PKD2: variants seen among roughly 807,000 people sequenced by gnomAD.
PKD2 encodes the protein polycystin-2.
Under a neutral mutation model 105.9 loss-of-function variants are expected in PKD2, and 48 were observed. That is an observed-to-expected ratio of 0.45 (90% CI 0.36 to 0.58). The LOEUF is 0.58. PKD2 is among the 20% of genes least tolerant of loss of function. The pLI is 0.00. For missense variants in PKD2, 1,078 were observed against 1,255.3 expected (o/e 0.86, Z 2.13); for synonymous variants, 464 against 481.1 (o/e 0.96, Z 0.46).
In PKD2 at chr4:88,008,182, C is replaced by T. The variant is rs554098650; in HGVS notation, c.449C>T (p.Pro150Leu). 2.9e-6 allele frequency: 4 copies of T among 1,375,478 alleles called. No individual in the cohort carries two copies. The highest frequency in any genetic ancestry group is 3.7e-6 in the Non-Finnish European group (4 of 1,072,998). 85.2% of individuals were successfully genotyped at this position (1,375,478 alleles called of 1,614,324 possible). The change falls in exon 1 of 15, where the codon CCG (proline) becomes CTG (leucine). Residue 150 changes from proline (P) to leucine (L), a missense_variant. By Grantham distance (98) the Pro-to-Leu change is moderately conservative (BLOSUM62 -3). This residue lies in a region of PKD2 where 868 missense variants were observed against 1,067.3 expected (regional missense o/e 0.81). Transcript: ENST00000237596. ...GLGGYHGAGH[P>L]SGRRRRREDQ... ...GGGGGCTACCACGGCGCGGGCCACC[C>T]GAGCGGGAGGCGGCGCCGGCGAGAG...
chr4:88,057,922 T>C, intron 8 of PKD2, 61 bp from the exon 9 acceptor site: 1 of 1,272,824 alleles, frequency 7.9e-7, no homozygotes, highest in Non-Finnish European at 1.2e-6. Context: ...TTAAGAAATG[T>C]TGCATCAACT....
intron 8 of PKD2, among the ~76,000 whole-genome samples, chr4:88,056,738 A>C (rs1384368731): frequency 1.3e-5 from 2 of 152,250 alleles, no homozygotes; most frequent in Non-Finnish European, 1.5e-5. Context: ...ATGTGAAATA[A>C]AACAACAAAA....
At chr4:88,057,039 G>T (rs1286638690) in intron 8 of PKD2, among the ~76,000 whole-genome samples, 2 of 152,054 alleles carry the variant, frequency 1.3e-5, no homozygotes, top group African/African-American at 2.4e-5. Context: ...GCCCAGGCTG[G>T]AGTGCAGTGG....
intron 2 of PKD2, among the ~76,000 whole-genome samples, chr4:88,032,971 C>T (rs1328373591): frequency 6.6e-6 from 1 of 152,086 alleles, no homozygotes; most frequent in Non-Finnish European, 1.5e-5. Flanking sequence ...AAACTCAAAA[C>T]CAAATCATTA....
Position 88,007,719 on chromosome 4 carries a change from A to G in PKD2, c.-15A>G. The G allele has an allele frequency of 1.7e-6, 2 of 1,192,464 alleles. No individual in the cohort carries two copies. Among genetic ancestry groups the G allele is most frequent in the Non-Finnish European group, 2.1e-6 (2 of 952,722 alleles). The allele number at this position is 1,192,464 out of a possible 1,614,324, so 73.9% of individuals were successfully genotyped here. ...GCGGCGCCGCGCACCCGCGCGCCGG[A>G]CGCCAGTGACCGCGATGGTGAACTC... On this transcript the variant is annotated 5_prime_UTR_variant, in exon 1 of 15. Coordinates refer to ENST00000237596, the MANE Select transcript of PKD2 (RefSeq NM_000297.4).
chr4:88,054,650 C>CTTTTTTT (rs1184325520), intron 7 of PKD2, among the ~76,000 whole-genome samples: 2 of 81,372 alleles, frequency 2.5e-5, no homozygotes, highest in Admixed American at 1.4e-4. Context: ...CATGACTCTA[C>CTTTTTTT]TTTTTTTTTT....
rs745700907 is a variant in PKD2, at chr4:88,046,664, A to C, written c.1342A>C (p.Thr448Pro). 1 of 1,610,274 alleles carries C rather than the reference A, an allele frequency of 6.2e-7. No homozygotes were observed. Among genetic ancestry groups the C allele is most frequent in the East Asian group, 2.2e-5 (1 of 44,862 alleles). ...VVRLLVEFPA[T>P]GGVIPSWQFQ... is the part of the protein sequence containing the mutation. ...CAGGTTATTGGTTGAATTCCCAGCA[A>C]CAGGTGGTGTGATTCCATCTTGGCA... Residue 448 changes from threonine to proline, a missense_variant, in exon 6 of 15, where the codon ACA becomes CCA. This residue lies in a region of PKD2 where 868 missense variants were observed against 1,067.3 expected (regional missense o/e 0.81). Transcript: ENST00000237596.
rs2110080070 is a variant in PKD2, at chr4:88,007,796, C to T, written c.63C>T (p.Pro21=). 1 of 1,167,324 alleles carries T rather than the reference C, an allele frequency of 8.6e-7. No homozygotes were observed. The highest frequency in any genetic ancestry group is 1.1e-6 in the Non-Finnish European group (1 of 943,952). 72.3% of individuals were successfully genotyped at this position (1,167,324 alleles called of 1,614,324 possible). A position where few individuals can be genotyped will look rare whatever the true frequency, so the allele number is the denominator to read the frequency against. Residue 21 remains proline, a synonymous_variant, in exon 1 of 15, where the codon CCC becomes CCT. Transcript: ENST00000237596. Reference sequence around the variant, plus strand: ...GGGACGCCAAGCGGCCGCCCGCGCCCCGCGCGCCGGACCCGGGCCGGCTGA... The same window carrying T: ...GGGACGCCAAGCGGCCGCCCGCGCCTCGCGCGCCGGACCCGGGCCGGCTGA... ...QPGDAKRPPA[P]RAPDPGRLMA... is the part of the protein sequence containing the mutation.
At chr4:88,024,652 A>C (rs1331722041) in intron 2 of PKD2, among the ~76,000 whole-genome samples, 1 of 152,116 alleles carries the variant, frequency 6.6e-6, no homozygotes, top group Non-Finnish European at 1.5e-5. Flanking sequence ...TAGAAATCAC[A>C]AAAGTTAGCT....
chr4:88,052,119 C>T lies in PKD2; in HGVS notation c.1677C>T (p.Asn559=). 6.2e-7 allele frequency: 1 copy of T among 1,606,326 alleles called. No individual in the cohort carries two copies. The highest frequency in any genetic ancestry group is 1.3e-5 in the African/African-American group (1 of 74,864). The part of the protein sequence containing the change: ...EHLAYWQIQF[N]NIAAVTVFFV... ...TGGCATATTGGCAGATACAGTTCAA[C>T]AATATAGCTGCTGTCACAGTATTTT... The change falls in exon 7 of 15, where the codon AAC becomes AAT. Residue 559 remains asparagine, a synonymous_variant. Transcript: ENST00000237596.
At chr4:88,029,932 G>C (rs938394547) in intron 2 of PKD2, among the ~76,000 whole-genome samples, 1 of 152,212 alleles carries the variant, frequency 6.6e-6, no homozygotes, top group East Asian at 1.9e-4. Context: ...AGGTGACCAG[G>C]GGCCAGACCT....
intron 4 of PKD2, among the ~76,000 whole-genome samples, chr4:88,042,680 T>G (rs1727612797): frequency 6.6e-6 from 1 of 152,250 alleles, no homozygotes. Flanking sequence ...TGTATTTTAC[T>G]TGTTTAATTA....
chr4:88,007,645 G>C lies in PKD2; in HGVS notation c.-89G>C. ...TCGGGGGCGGGGAGCAGGCGGCGGC[G>C]GGCGCCGGGAAGAAAGGAACATGGC... On this transcript the variant is annotated 5_prime_UTR_variant, in exon 1 of 15. Transcript: ENST00000237596. 1.1e-6 allele frequency: 1 copy of C among 869,682 alleles called. No homozygotes were observed. The allele number at this position is 869,682 out of a possible 1,614,324, so 53.9% of individuals were successfully genotyped here.
Position 88,052,064 on chromosome 4 carries a change from A to T in PKD2, c.1622A>T (p.Asp541Val), listed in dbSNP as rs1176143345. The T allele has an allele frequency of 1.2e-6, 2 of 1,601,894 alleles. No homozygotes were observed. Among genetic ancestry groups the T allele is most frequent in the East Asian group, 2.2e-5 (1 of 44,792 alleles). Residue 541 changes from aspartate to valine, a missense_variant, in exon 7 of 15, where the codon GAT becomes GTT. By Grantham distance (152) the Asp-to-Val change is radical. Transcript: ENST00000237596. The part of the protein sequence containing the change: ...NVEVLLQFLE[D>V]QNTFPNFEHL... Reference sequence around the variant, plus strand: ...GAGGTGCTACTACAGTTTCTGGAAGATCAAAATACTTTCCCCAACTTTGAG... The same window carrying T: ...GAGGTGCTACTACAGTTTCTGGAAGTTCAAAATACTTTCCCCAACTTTGAG...
At chr4:88,032,000 G>A (rs1472846528) in intron 2 of PKD2, among the ~76,000 whole-genome samples, 2 of 152,074 alleles carry the variant, frequency 1.3e-5, no homozygotes. Context: ...GCTTTGAGTG[G>A]TTTTCTTATA....
At position 88,015,127 on chromosome 4, in the gene PKD2, A is replaced by T. The variant is rs546862213; in HGVS notation, c.596-4331A>T. Among the ~76,000 whole-genome samples, 4 of 152,330 alleles carry T rather than the reference A, an allele frequency of 2.6e-5. No homozygotes were observed. The South Asian group carries it at 8.3e-4, about 32-fold the overall frequency. ...TACACAATTAACCTTTTAACCATGG[A>T]ACTGAAATATTTACAGATGAAGTGA... On this transcript the variant is annotated intron_variant, in intron 1 of 14. Coordinates refer to ENST00000237596, the MANE Select transcript of PKD2 (RefSeq NM_000297.4).
intron 13 of PKD2, 135 bp from the exon 14 acceptor site, chr4:88,074,677 T>G: frequency 1.1e-6 from 1 of 937,366 alleles, no homozygotes; most frequent in Non-Finnish European, 1.7e-6. Context: ...CTGTAAAGCT[T>G]GAGACAACTT....
At chr4:88,059,672 T>C (rs1396077300) in intron 9 of PKD2, among the ~76,000 whole-genome samples, 1 of 152,132 alleles carries the variant, frequency 6.6e-6, no homozygotes, top group Non-Finnish European at 1.5e-5. Flanking sequence ...AATTGTTTTT[T>C]TGTACGACTG....
intron 12 of PKD2, among the ~76,000 whole-genome samples, chr4:88,066,568 G>A (rs767511895): frequency 8.6e-5 from 13 of 151,950 alleles, no homozygotes; most frequent in Non-Finnish European, 1.8e-4. Flanking sequence ...CACCATGTTG[G>A]TCTCAAACTC....
Sources: allele counts gnomAD v4.1 joint callset (sites outside exome capture counted in the v4.1 genomes callset), GRCh38; gene constraint gnomAD v4.1.1; regional missense constraint gnomAD v4.1.1; transcripts MANE v1.5; gene names NCBI Gene and HGNC (gene_info 2026-07-23, HGNC 2026-07-21).